ZNF883: variants seen among roughly 807,000 people sequenced by gnomAD.
ZNF883 encodes the protein zinc finger protein 883.
At chr9:112,994,538 A>G (rs894515768), downstream of ZNF883, among the ~76,000 whole-genome samples, 11 of 152,032 alleles carry the variant, frequency 7.2e-5, no homozygotes, top group African/African-American at 2.7e-4. Flanking sequence ...AAATTTACAA[A>G]TCAGAGATAA....
chr9:113,003,107 C>T (rs1277289375), upstream of ZNF883, among the ~76,000 whole-genome samples: 3 of 152,134 alleles, frequency 2.0e-5, no homozygotes, highest in South Asian at 2.1e-4. Context: ...TGCTGTGTCC[C>T]CACCCAAATC....
chr9:113,010,588 G>A (rs952703957), intron 2 of ZNF883, among the ~76,000 whole-genome samples: 1 of 152,180 alleles, frequency 6.6e-6, no homozygotes, highest in Non-Finnish European at 1.5e-5. Context: ...AAGTACGTGA[G>A]GTGATGCATG....
downstream of ZNF883, among the ~76,000 whole-genome samples, chr9:112,996,816 AAAAAAAAAG>A (rs1157698114): frequency 1.4e-3 from 146 of 105,744 alleles, 2 homozygotes; most frequent in Middle Eastern, 4.5e-3. Flanking sequence ...AAAAAAAAAA[AAAAAAAAAG>A]TTTTTTTATA....
chr9:113,002,890 G>A (rs1432210955), upstream of ZNF883, among the ~76,000 whole-genome samples: 1 of 152,134 alleles, frequency 6.6e-6, no homozygotes, highest in Admixed American at 6.5e-5. Context: ...CATGTTTTCT[G>A]CCATGTAAGG....
upstream of ZNF883, among the ~76,000 whole-genome samples, chr9:113,002,370 C>CTA (rs958371402): frequency 6.6e-6 from 1 of 151,648 alleles, no homozygotes; most frequent in African/African-American, 2.4e-5. Context: ...GAAAATATAA[C>CTA]TAAATGTAAC....
At chr9:112,991,702 T>C (rs1335277162) in intron 1 of ZNF883, among the ~76,000 whole-genome samples, 1 of 152,184 alleles carries the variant, frequency 6.6e-6, no homozygotes, top group South Asian at 2.1e-4. Context: ...CCACTGTTAT[T>C]GTGTGGGAAT....
chr9:112,989,969 T>G (rs1828285698), intron 1 of ZNF883, among the ~76,000 whole-genome samples: 1 of 152,230 alleles, frequency 6.6e-6, no homozygotes, highest in Non-Finnish European at 1.5e-5. Context: ...TGATTTTGTA[T>G]GCTGAGACAT....
exon 1 of ZNF883, chr9:112,997,904 T>C: frequency 1.9e-6 from 3 of 1,613,970 alleles, no homozygotes; most frequent in African/African-American, 2.7e-5. Flanking sequence ...TTCTCCAGTA[T>C]GGATTCTCTC....
chr9:113,011,476 CTTTG>C (rs568252981), intron 1 of ZNF883, among the ~76,000 whole-genome samples: 14 of 152,220 alleles, frequency 9.2e-5, no homozygotes, highest in Non-Finnish European at 1.9e-4. Context: ...CCAGCTCCCT[CTTTG>C]TTTGTTAACA....
downstream of ZNF883, among the ~76,000 whole-genome samples, chr9:112,995,600 C>T (rs1375749889): frequency 2.0e-5 from 3 of 151,726 alleles, no homozygotes; most frequent in East Asian, 5.8e-4. Flanking sequence ...AGAACACACA[C>T]TAATACATGC....
chr9:113,002,556 C>T (rs953989100), upstream of ZNF883, among the ~76,000 whole-genome samples: 4 of 152,158 alleles, frequency 2.6e-5, no homozygotes, highest in African/African-American at 9.7e-5. Context: ...GATGTGGGAA[C>T]TCTCTGTAAT....
chr9:113,010,792 G>A lies in ZNF883; in HGVS notation n.165+349C>T, dbSNP rs184167315. Among the ~76,000 whole-genome samples, 83 of 151,998 alleles carry A rather than the reference G, an allele frequency of 5.5e-4. No individual in the cohort carries two copies. The Middle Eastern group carries it at 0.031, about 56-fold the overall frequency. On this transcript the variant is annotated intron_variant and non_coding_transcript_variant, in intron 2 of 4. Coordinates refer to the ZNF883 transcript ENST00000638622. Reference sequence around the variant, plus strand: ...CACGAGGTCAGGAGTTTGAGACCAGGATGCCCAACATGGTGAAACCCCATC... The same window carrying A: ...CACGAGGTCAGGAGTTTGAGACCAGAATGCCCAACATGGTGAAACCCCATC...
At chr9:113,011,468 A>C (rs1564335868) in intron 1 of ZNF883, among the ~76,000 whole-genome samples, 1 of 152,230 alleles carries the variant, frequency 6.6e-6, no homozygotes, top group Admixed American at 6.5e-5. Flanking sequence ...CGAGTGCACC[A>C]GCTCCCTCTT....
At chr9:113,010,710 G>A (rs755655898) in intron 2 of ZNF883, among the ~76,000 whole-genome samples, 10 of 152,164 alleles carry the variant, frequency 6.6e-5, no homozygotes, top group South Asian at 4.2e-4. Flanking sequence ...AAATTAGGCC[G>A]GGCACGGTGA....
At chr9:113,002,761 A>G (rs1407649852), upstream of ZNF883, among the ~76,000 whole-genome samples, 4 of 152,214 alleles carry the variant, frequency 2.6e-5, no homozygotes, top group Non-Finnish European at 4.4e-5. Flanking sequence ...TTAATTGCCA[A>G]TGCGATAATA....
upstream of ZNF883, among the ~76,000 whole-genome samples, chr9:113,003,061 T>C (rs889857761): frequency 5.3e-5 from 8 of 152,224 alleles, no homozygotes; most frequent in Admixed American, 2.0e-4. Flanking sequence ...TATTTTGCTA[T>C]AGCAGCACAA....
intron 1 of ZNF883, among the ~76,000 whole-genome samples, chr9:112,989,190 T>C (rs1292040344): frequency 6.6e-6 from 1 of 152,228 alleles, no homozygotes; most frequent in Non-Finnish European, 1.5e-5. Context: ...ATTTTCATCA[T>C]GAAATCTTGC....
upstream of ZNF883, chr9:113,001,936 T>G (rs562626802): frequency 1.7e-4 from 26 of 152,300 alleles, no homozygotes; most frequent in African/African-American, 5.1e-4. Context: ...CAGTCTCAGA[T>G]GAACACTTGT....
upstream of ZNF883, among the ~76,000 whole-genome samples, chr9:113,002,516 A>G (rs570158525): frequency 1.3e-5 from 2 of 152,204 alleles, no homozygotes; most frequent in African/African-American, 4.8e-5. Context: ...CTAACATAAG[A>G]TGTTGACAGT....
Sources: allele counts gnomAD v4.1 joint callset (sites outside exome capture counted in the v4.1 genomes callset), GRCh38; gene constraint gnomAD v4.1.1; transcripts MANE v1.5; gene names NCBI Gene and HGNC (gene_info 2026-07-23, HGNC 2026-07-21).